The following MTR variants were observed in gnomAD, a reference collection of about 807,000 sequenced individuals.
The protein encoded by MTR is 5-methyltetrahydrofolate-homocysteine methyltransferase, also known as methionine synthase.
In MTR, 84 loss-of-function variants were observed where a neutral mutation model predicts 154.8. The observed-to-expected ratio is 0.54, with a 90% CI of 0.45 to 0.65. The LOEUF (loss-of-function observed/expected upper bound fraction) is 0.65. Among genes scored for constraint, MTR ranks in the 30% least tolerant of loss-of-function variants. The pLI is 0.00. For synonymous variants in MTR, 554 were observed against 553.9 expected, an observed-to-expected ratio of 1.00 and a Z score of 0.00; for missense variants, 1,275 against 1,570.2, an observed-to-expected ratio of 0.81 and a Z score of 3.18.
chr1:236,804,499 T>C (rs930999697), intron 2 of MTR, among the ~76,000 whole-genome samples: 3 of 152,244 alleles, frequency 2.0e-5, no homozygotes, highest in African/African-American at 7.2e-5. Context: ...TACTGTCTTA[T>C]AATTTGCATT....
chr1:236,854,468 C>T (rs1558312696), intron 18 of MTR, among the ~76,000 whole-genome samples: 2 of 152,126 alleles, frequency 1.3e-5, no homozygotes, highest in Admixed American at 6.5e-5. Context: ...TTAGCCCTGT[C>T]GTCTTCTTTG....
chr1:236,852,423 G>GTTTTTTT, intron 16 of MTR, 98 bp from the exon 17 acceptor site: 2 of 875,634 alleles, frequency 2.3e-6, no homozygotes, highest in Non-Finnish European at 3.8e-6. Flanking sequence ...GATGCTTTTT[G>GTTTTTTT]TTTTTTTTTC....
intron 13 of MTR, among the ~76,000 whole-genome samples, chr1:236,833,866 C>T (rs910560374): frequency 6.6e-6 from 1 of 152,196 alleles, no homozygotes; most frequent in Non-Finnish European, 1.5e-5. Context: ...GACCCTGTTG[C>T]TTACTATCTT....
chr1:236,850,387 A>C lies in MTR; in HGVS notation c.1559A>C (p.Tyr520Ser). Residue 520 changes from tyrosine (Y) to serine (S), a missense_variant, in exon 16 of 33, where the codon TAC becomes TCC. By Grantham distance (144) the Tyr-to-Ser change is moderately radical. Coordinates refer to ENST00000366577, the MANE Select transcript of MTR (RefSeq NM_000254.3). ...AAAATCAGAGTGTGCACCCGGGCCT[A>C]CCATCTGCTTGTGAAAAAACTGGGC... Reference protein sequence around the residue: ...DTKIRVCTRAYHLLVKKLGFN... With the variant: ...DTKIRVCTRASHLLVKKLGFN... 6.2e-7 allele frequency: 1 copy of C among 1,613,808 alleles called. No individual in the cohort carries two copies. The highest frequency in any genetic ancestry group is 8.5e-7 in the Non-Finnish European group (1 of 1,179,934).
intron 15 of MTR, among the ~76,000 whole-genome samples, chr1:236,840,117 GAATGA>G (rs988225389): frequency 5.9e-5 from 9 of 152,084 alleles, no homozygotes; most frequent in African/African-American, 1.9e-4. Flanking sequence ...TGTATTTTTG[GAATGA>G]AATTGTTTTT....
chr1:236,897,343 C>CACACAT (rs1366033407), intron 32 of MTR, among the ~76,000 whole-genome samples: 1 of 139,854 alleles, frequency 7.2e-6, no homozygotes, highest in African/African-American at 3.1e-5. Flanking sequence ...CACACACACA[C>CACACAT]ATACAGCTTC....
chr1:236,877,070 T>C (rs1665475121), intron 24 of MTR, among the ~76,000 whole-genome samples: 1 of 152,204 alleles, frequency 6.6e-6, no homozygotes, highest in African/African-American at 2.4e-5. Context: ...TAGCACTGCT[T>C]CCCGGGAACC....
At chr1:236,896,191 T>G (rs1666614407) in intron 31 of MTR, among the ~76,000 whole-genome samples, 1 of 152,360 alleles carries the variant, frequency 6.6e-6, no homozygotes, top group African/African-American at 2.4e-5. Context: ...GTTCTGTGGC[T>G]GCACATTGTC....
intron 15 of MTR, among the ~76,000 whole-genome samples, chr1:236,841,209 G>C (rs1438314271): frequency 6.6e-6 from 1 of 152,006 alleles, no homozygotes; most frequent in African/African-American, 2.4e-5. Flanking sequence ...ACCATCCACT[G>C]CCCTGACTCT....
rs1666928114 is a variant in MTR at position 236,901,779 on chromosome 1, A to G, written c.*4135A>G. 1.3e-5 allele frequency: 2 copies of G among 152,200 alleles called. No individual in the cohort carries two copies. Among genetic ancestry groups the G allele is most frequent in the African/African-American group, 4.8e-5 (2 of 41,434 alleles). The allele number at this position is 152,200 out of a possible 1,614,324, so 9.4% of individuals were successfully genotyped here. A position where few individuals can be genotyped will look rare whatever the true frequency, so the allele number is the denominator to read the frequency against. On this transcript the variant is annotated 3_prime_UTR_variant, in exon 33 of 33. Coordinates refer to ENST00000366577, the MANE Select transcript of MTR (RefSeq NM_000254.3). ...CACTAATCCCATTCATGAGGGCTCC[A>G]CCTTCATGACCTAATTACCTCCCAA...
At chr1:236,825,710 C>T (rs1290942146) in intron 10 of MTR, among the ~76,000 whole-genome samples, 1 of 152,182 alleles carries the variant, frequency 6.6e-6, no homozygotes, top group Non-Finnish European at 1.5e-5. Context: ...TCTGCCCTCA[C>T]ACCCCTCAGA....
chr1:236,880,720 G>A, intron 24 of MTR, 35 bp from the exon 25 acceptor site: 1 of 1,532,854 alleles, frequency 6.5e-7, no homozygotes, highest in Non-Finnish European at 9.0e-7. Context: ...TGTCAGTGCT[G>A]ATGGATATAT....
chr1:236,881,549 C>T (rs1011573407), intron 25 of MTR, among the ~76,000 whole-genome samples: 2 of 151,950 alleles, frequency 1.3e-5, no homozygotes, highest in East Asian at 2.0e-4. Context: ...CGTCCCATCC[C>T]GCTCCTAGTG....
chr1:236,855,517 G>A (rs890496118), intron 18 of MTR, among the ~76,000 whole-genome samples: 1 of 152,086 alleles, frequency 6.6e-6, no homozygotes, highest in Admixed American at 6.6e-5. Context: ...GGAATGACCC[G>A]GGAGCTTGAG....
At chr1:236,871,970 A>G (rs1028391135) in intron 22 of MTR, among the ~76,000 whole-genome samples, 1 of 152,038 alleles carries the variant, frequency 6.6e-6, no homozygotes, top group Non-Finnish European at 1.5e-5. Flanking sequence ...CCAGTATGTC[A>G]TGTTGTAGTC....
intron 27 of MTR, 33 bp from the exon 28 acceptor site, chr1:236,889,148 G>C: frequency 6.2e-7 from 1 of 1,613,688 alleles, no homozygotes; most frequent in Non-Finnish European, 8.5e-7. Flanking sequence ...GGGTGCCAGC[G>C]TCAGCATTGA....
rs757522886 is a variant in MTR at position 236,885,125 on chromosome 1, C to T, written c.2681C>T (p.Ser894Phe). The T allele has an allele frequency of 6.2e-7, 1 of 1,600,996 alleles. No individual in the cohort carries two copies. The highest frequency in any genetic ancestry group is 8.6e-7 in the Non-Finnish European group (1 of 1,168,340). ...LDASKSVVVC[S>F]QLLDENLKDE... is the part of the protein sequence containing the mutation. ...ATGGCTATCTTGCATTTTCAGTGTTCCCAGCTGTTAGATGAAAATCTAAAG... is the reference window on the plus strand; with the variant it reads ...ATGGCTATCTTGCATTTTCAGTGTTTCCAGCTGTTAGATGAAAATCTAAAG... The change falls in exon 26 of 33, where the codon TCC (serine) becomes TTC (phenylalanine). Residue 894 changes from serine to phenylalanine, a missense_variant. Physicochemically the swap from Ser to Phe is radical, Grantham distance 155 (BLOSUM62 -2). Transcript: ENST00000366577.
At chr1:236,835,471 G>A (rs1662852367) in intron 13 of MTR, 76 bp from the exon 14 acceptor site, 2 of 1,569,832 alleles carry the variant, frequency 1.3e-6, no homozygotes. Context: ...GCTGGGAAGG[G>A]TAAGGAATTA....
chr1:236,845,126 A>G (rs546622136), intron 15 of MTR, among the ~76,000 whole-genome samples: 1 of 152,298 alleles, frequency 6.6e-6, no homozygotes, highest in East Asian at 1.9e-4. Context: ...GACATGGTGG[A>G]ACCAAGTTTT....
Sources: allele counts gnomAD v4.1 joint callset (sites outside exome capture counted in the v4.1 genomes callset), GRCh38; gene constraint gnomAD v4.1.1; transcripts MANE v1.5; gene names NCBI Gene and HGNC (gene_info 2026-07-23, HGNC 2026-07-21).